SLC4A10: variants seen among roughly 807,000 people sequenced by gnomAD.
SLC4A10 encodes the protein sodium-driven chloride bicarbonate exchanger.
Under a neutral mutation model 137.7 loss-of-function variants are expected in SLC4A10, and 42 were observed. The ratio of observed to expected loss-of-function variants is 0.30; its 90% confidence interval spans 0.24 to 0.39. The LOEUF (loss-of-function observed/expected upper bound fraction) is 0.39, where lower values mean the gene tolerates loss of function less well. SLC4A10 is among the 10% of genes least tolerant of loss of function. The pLI, the probability that SLC4A10 is intolerant of heterozygous loss-of-function variation, is 1.00. For synonymous variants in SLC4A10, 474 were observed against 464.1 expected (o/e 1.02, Z -0.27); for missense variants, 925 against 1,355.0 (o/e 0.68, Z 4.98).
At chr2:161,723,178 G>A (rs1200407902) in intron 1 of SLC4A10, among the ~76,000 whole-genome samples, 3 of 152,162 alleles carry the variant, frequency 2.0e-5, no homozygotes, top group Admixed American at 2.0e-4. Flanking sequence ...GGCACTAGTG[G>A]CATGGGTTCA....
intron 13 of SLC4A10, 42 bp from the exon 14 acceptor site, chr2:161,904,734 C>G: frequency 6.2e-7 from 1 of 1,610,086 alleles, no homozygotes; most frequent in Non-Finnish European, 8.5e-7. Context: ...CAATGGCCTC[C>G]TGTACAGCTT....
chr2:161,942,900 A>G lies in SLC4A10; in HGVS notation c.2103+3A>G. 1.3e-6 allele frequency: 2 copies of G among 1,576,806 alleles called. No individual in the cohort carries two copies. Among genetic ancestry groups the G allele is most frequent in the Non-Finnish European group, 1.7e-6 (2 of 1,158,502 alleles). ...TTTGGGAGAACCTAACTGTGTCAGTAAGTAAAACACTGAAAAATAAGTCAT... is the reference window on the plus strand; with the variant it reads ...TTTGGGAGAACCTAACTGTGTCAGTGAGTAAAACACTGAAAAATAAGTCAT... On this transcript the variant is annotated splice_donor_region_variant and intron_variant, in intron 16 of 26. Transcript: ENST00000446997.
intron 1 of SLC4A10, among the ~76,000 whole-genome samples, chr2:161,631,213 C>T (rs951207775): frequency 1.3e-5 from 2 of 151,550 alleles, no homozygotes; most frequent in Non-Finnish European, 3.0e-5. Context: ...TTTGAAATTA[C>T]GTGGCGGTGA....
chr2:161,775,737 C>T (rs2125444536), intron 2 of SLC4A10, among the ~76,000 whole-genome samples: 1 of 151,894 alleles, frequency 6.6e-6, no homozygotes, highest in South Asian at 2.1e-4. Flanking sequence ...TCACCTTTGT[C>T]CTGTCCAGGT....
chr2:161,849,812 G>C (rs1472160638), intron 4 of SLC4A10, among the ~76,000 whole-genome samples: 1 of 152,010 alleles, frequency 6.6e-6, no homozygotes, highest in African/African-American at 2.4e-5. Flanking sequence ...CTAGTATTTT[G>C]TGGAGGATTT....
Position 161,843,426 on chromosome 2 carries a change from T to G in SLC4A10, c.416+3499T>G, listed in dbSNP as rs147262265. Among the ~76,000 whole-genome samples the G allele has an allele frequency of 1.6e-3, 243 of 152,290 alleles. 1 individual carries two copies. The highest frequency in any genetic ancestry group is 5.6e-3 in the African/African-American group (231 of 41,584). Reference sequence around the variant, plus strand: ...ATTCTCTAATATTATTAGATGGACCTATGTTTGTAGCCAAGCTTCTAGAAT... The same window carrying G: ...ATTCTCTAATATTATTAGATGGACCGATGTTTGTAGCCAAGCTTCTAGAAT... On this transcript the variant is annotated intron_variant, in intron 4 of 26. Transcript: ENST00000446997.
In SLC4A10 at chr2:161,957,015, A is replaced by G. The variant is rs1436327100; in HGVS notation, c.2568A>G (p.Leu856=). The G allele has an allele frequency of 6.3e-7, 1 of 1,596,656 alleles. No individual in the cohort carries two copies. Among genetic ancestry groups the G allele is most frequent in the Admixed American group, 1.8e-5 (1 of 56,840 alleles). The change falls in exon 20 of 27, where the codon CTA becomes CTG. Residue 856 remains leucine (L), a synonymous_variant. Transcript: ENST00000446997. The part of the protein sequence containing the change: ...LKKGCGYHLD[L]LMVAVMLGVC... The stretch of plus-strand genomic sequence containing the variant: ...AAGGTTGTGGGTACCATCTGGACCT[A>G]TTAATGGTGGCTGTCATGCTCGGTG...
At chr2:161,861,396 A>G (rs890986837) in intron 5 of SLC4A10, among the ~76,000 whole-genome samples, 3 of 152,212 alleles carry the variant, frequency 2.0e-5, no homozygotes, top group African/African-American at 7.2e-5. Flanking sequence ...CCTTATGACC[A>G]TAAGGAAAAT....
intron 1 of SLC4A10, among the ~76,000 whole-genome samples, chr2:161,678,793 G>A (rs1030232989): frequency 6.6e-6 from 1 of 151,910 alleles, no homozygotes; most frequent in African/African-American, 2.4e-5. Flanking sequence ...TGCATTGAGT[G>A]GTTTACTCTT....
chr2:161,751,831 T>A (rs965844620), intron 1 of SLC4A10, among the ~76,000 whole-genome samples: 2 of 151,926 alleles, frequency 1.3e-5, no homozygotes, highest in Non-Finnish European at 2.9e-5. Flanking sequence ...AAAGAACAGA[T>A]CTTCCAAGTA....
chr2:161,719,045 C>T (rs1343345561), intron 1 of SLC4A10, among the ~76,000 whole-genome samples: 1 of 152,174 alleles, frequency 6.6e-6, no homozygotes, highest in South Asian at 2.1e-4. Flanking sequence ...TAATGCTATC[C>T]TTCCCCCCTC....
chr2:161,845,115 A>G (rs900973588), intron 4 of SLC4A10, among the ~76,000 whole-genome samples: 3 of 152,128 alleles, frequency 2.0e-5, no homozygotes, highest in Non-Finnish European at 2.9e-5. Flanking sequence ...TGCAACTGAC[A>G]GTATATTCAG....
intron 3 of SLC4A10, among the ~76,000 whole-genome samples, chr2:161,824,052 G>A (rs1033159321): frequency 2.0e-5 from 3 of 152,134 alleles, no homozygotes; most frequent in Non-Finnish European, 4.4e-5. Flanking sequence ...TGTCCCTGAA[G>A]TCAGGAAGTA....
intron 1 of SLC4A10, among the ~76,000 whole-genome samples, chr2:161,703,204 G>A (rs554125158): frequency 1.3e-5 from 2 of 151,682 alleles, no homozygotes; most frequent in African/African-American, 4.8e-5. Context: ...GAGGATGTAT[G>A]TAAGGCTGTG....
chr2:161,938,186 G>C (rs141164517), intron 15 of SLC4A10, among the ~76,000 whole-genome samples: 1 of 152,128 alleles, frequency 6.6e-6, no homozygotes, highest in Non-Finnish European at 1.5e-5. Context: ...CACGAGAATC[G>C]CTTGAACCTG....
intron 15 of SLC4A10, among the ~76,000 whole-genome samples, chr2:161,913,047 G>A (rs1686234048): frequency 6.6e-6 from 1 of 152,062 alleles, no homozygotes; most frequent in Non-Finnish European, 1.5e-5. Flanking sequence ...CAGGAGAGCT[G>A]GAACTTCAGT....
rs188481750 is a variant in SLC4A10, at chr2:161,718,749, T to G, written c.49-52224T>G. On this transcript the variant is annotated intron_variant, in intron 1 of 26. Coordinates refer to ENST00000446997, the MANE Select transcript of SLC4A10 (RefSeq NM_001178015.2). Reference sequence around the variant, plus strand: ...CAGTTTTAGAGTAGGCACCATGTAGTGCTGAGAAGAATGTATATTCTGTTG... The same window carrying G: ...CAGTTTTAGAGTAGGCACCATGTAGGGCTGAGAAGAATGTATATTCTGTTG... 5.3e-5 allele frequency among the ~76,000 whole-genome samples: 8 copies of G among 152,276 alleles called. No individual in the cohort carries two copies. The East Asian group carries it at 1.4e-3, about 26-fold the overall frequency.
Position 161,862,996 on chromosome 2 carries a change from C to A in SLC4A10, c.700C>A (p.Pro234Thr), listed in dbSNP as rs1460376560. The stretch of plus-strand genomic sequence containing the variant: ...TCAGAAAAAACTCACCAACAGGATT[C>A]CCATTGTTCGTTCCTTTGCTGATAT... ...QNQKKLTNRI[P>T]IVRSFADIGK... The change falls in exon 6 of 27, where the codon CCC becomes ACC. Residue 234 changes from proline (P) to threonine (T), a missense_variant. Around this residue, in one of 11 missense-constraint regions of SLC4A10, gnomAD observed 277 missense variants for 306.1 expected, o/e 0.90. Transcript: ENST00000446997. 2 of 1,613,804 alleles carry A rather than the reference C, an allele frequency of 1.2e-6. No individual in the cohort carries two copies. Among genetic ancestry groups the A allele is most frequent in the Non-Finnish European group, 1.7e-6 (2 of 1,179,850 alleles).
intron 3 of SLC4A10, among the ~76,000 whole-genome samples, chr2:161,808,041 A>C (rs2056172265): frequency 1.3e-5 from 2 of 152,000 alleles, no homozygotes; most frequent in African/African-American, 4.8e-5. Flanking sequence ...TATGAATTTA[A>C]ATCATTTCCT....
Sources: allele counts gnomAD v4.1 joint callset (sites outside exome capture counted in the v4.1 genomes callset), GRCh38; gene constraint gnomAD v4.1.1; regional missense constraint gnomAD v4.1.1; transcripts MANE v1.5; gene names NCBI Gene and HGNC (gene_info 2026-07-23, HGNC 2026-07-21).